The following PER2 variants were observed in gnomAD, a reference collection of about 807,000 sequenced individuals.
The protein encoded by PER2 is period circadian regulator 2.
A neutral mutation model predicts 121.0 loss-of-function variants in PER2; 66 were observed. The ratio of observed to expected loss-of-function variants is 0.55; its 90% CI spans 0.45 to 0.67. The LOEUF (loss-of-function observed/expected upper bound fraction) is 0.67. PER2 is among the 30% of genes least tolerant of loss of function. The pLI is 0.00. For synonymous variants in PER2, 684 were observed against 659.9 expected (o/e 1.04, Z -0.56); for missense variants, 1,521 against 1,635.0 (o/e 0.93, Z 1.20).
At chr2:238,286,566 T>C (rs1032409578) in intron 1 of PER2, among the ~76,000 whole-genome samples, 1 of 152,210 alleles carries the variant, frequency 6.6e-6, no homozygotes, top group Non-Finnish European at 1.5e-5. Flanking sequence ...AATTCTCCCT[T>C]GGTTCCCAAG....
At chr2:238,295,997 A>G in the PER2 span, among the ~76,000 whole-genome samples, 2 of 151,880 alleles carry the variant, frequency 1.3e-5, no homozygotes, top group Non-Finnish European at 2.9e-5. Context: ...GGATCCACAC[A>G]GCCCTCCTGC....
At chr2:238,256,583 C>T (rs1273656488) in intron 17 of PER2, among the ~76,000 whole-genome samples, 1 of 152,226 alleles carries the variant, frequency 6.6e-6, no homozygotes, top group Non-Finnish European at 1.5e-5. Context: ...AACCCCAGGC[C>T]TGCCCAGGGA....
At chr2:238,295,981 G>T in the PER2 span, 1 of 265,852 alleles carries the variant, frequency 3.8e-6, no homozygotes. Flanking sequence ...CAAATGGTAG[G>T]TCAGGGGATC....
upstream of PER2, among the ~76,000 whole-genome samples, chr2:238,293,981 C>G (rs545240812): frequency 1.2e-4 from 19 of 152,304 alleles, no homozygotes; most frequent in African/African-American, 4.3e-4. Context: ...GTACCCCTCA[C>G]TGTCCTGAAG....
intron 8 of PER2, among the ~76,000 whole-genome samples, chr2:238,266,092 G>A (rs184556425): frequency 0.02 from 3,077 of 151,732 alleles, 82 homozygotes; most frequent in African/African-American, 0.054. Context: ...TTTAGTTGAG[G>A]TGGGGTTTCA....
chr2:238,293,483 C>A (rs1379169203), upstream of PER2, among the ~76,000 whole-genome samples: 3 of 152,044 alleles, frequency 2.0e-5, no homozygotes, highest in African/African-American at 7.2e-5. Context: ...TTAAGAAAAA[C>A]CAAGGACTTG....
Position 238,283,182 on chromosome 2 carries a change from T to A in PER2, c.-20+5167A>T, listed in dbSNP as rs568780939. Among the ~76,000 whole-genome samples, 8 of 152,344 alleles carry A rather than the reference T, an allele frequency of 5.3e-5. No homozygotes were observed. In the South Asian group the frequency reaches 1.7e-3, roughly 32 times the overall value. On this transcript the variant is annotated intron_variant, in intron 1 of 22. Transcript: ENST00000254657. The stretch of plus-strand genomic sequence containing the variant: ...TGGCAGAAAATGCCCCCTCCCTCTC[T>A]CCCTCAAATGGACCTTTCTGAAGTT...
At chr2:238,247,635 GGTC>G (rs1695483882) in intron 22 of PER2, 3 of 152,308 alleles carry the variant, frequency 2.0e-5, no homozygotes, top group Admixed American at 2.0e-4. Context: ...GTGAGCCACG[GGTC>G]TATTTCAGGA....
At chr2:238,246,562 G>C (rs1695457220) in intron 22 of PER2, 38 bp from the exon 23 acceptor site, 1 of 1,437,178 alleles carries the variant, frequency 7.0e-7, no homozygotes, top group Non-Finnish European at 9.7e-7. Context: ...TAACAAACTT[G>C]AGATCTGAGT....
chr2:238,268,260 T>G lies in PER2; in HGVS notation c.825-62A>C. 1.3e-6 allele frequency: 2 copies of G among 1,548,336 alleles called. No individual in the cohort carries two copies. Among genetic ancestry groups the G allele is most frequent in the Non-Finnish European group, 1.8e-6 (2 of 1,128,050 alleles). ...GACACAGGAACAGTCCCCTGTTCTG[T>G]TCCCTCCTCACCTGGGCCCCATGCC... On this transcript the variant is annotated intron_variant, in intron 7 of 22. Coordinates refer to ENST00000254657, the MANE Select transcript of PER2 (RefSeq NM_022817.3). This position sits in a 1 kb window ranked among gnomAD's most constrained non-coding sequence, Gnocchi z 4.0.
chr2:238,291,200 G>A (rs1696945234), upstream of PER2, among the ~76,000 whole-genome samples: 1 of 152,222 alleles, frequency 6.6e-6, no homozygotes. Flanking sequence ...CCTTGGGAAT[G>A]CTGCCAGTGG....
At chr2:238,290,609 T>A (rs1049283982), upstream of PER2, among the ~76,000 whole-genome samples, 2 of 152,198 alleles carry the variant, frequency 1.3e-5, no homozygotes, top group African/African-American at 4.8e-5. Flanking sequence ...TATCAAGTGC[T>A]TTGGGCTCTA....
At chr2:238,256,763 G>A (rs900402294) in intron 17 of PER2, among the ~76,000 whole-genome samples, 159 bp downstream of exon 17, 1 of 152,250 alleles carries the variant, frequency 6.6e-6, no homozygotes, top group African/African-American at 2.4e-5. Context: ...CTGGCTGGCC[G>A]CACTCCACCC....
rs142728794 is a variant in PER2 at position 238,253,421 on chromosome 2, G to T, written c.2602C>A (p.Pro868Thr). 16 of 1,610,602 alleles carry T rather than the reference G, an allele frequency of 9.9e-6. No homozygotes were observed. The highest frequency in any genetic ancestry group is 2.2e-5 in the South Asian group (2 of 90,944). The change falls in exon 19 of 23, where the codon CCC becomes ACC. Residue 868 changes from proline to threonine, a missense_variant. By Grantham distance (38) the Pro-to-Thr change is conservative. Coordinates refer to ENST00000254657, the MANE Select transcript of PER2 (RefSeq NM_022817.3). This position sits in a 1 kb window ranked among gnomAD's most constrained non-coding sequence, Gnocchi z 5.6. ...VFPAPGTVAAPPAPPHASFTV... is the reference protein window; with the variant it reads ...VFPAPGTVAATPAPPHASFTV... The stretch of plus-strand genomic sequence containing the variant: ...AAGCTGGCGTGGGGAGGTGCCGGGG[G>T]TGCTGCCACAGTCCCTGGCGCTGGA...
In PER2 at chr2:238,257,052, C is replaced by T. The variant is rs555935582; in HGVS notation, c.1935G>A (p.Thr645=). 28 of 1,613,252 alleles carry T rather than the reference C, an allele frequency of 1.7e-5. No individual in the cohort carries two copies. In the East Asian group the frequency reaches 5.1e-4, roughly 30 times the overall value. Residue 645 remains threonine (T), a synonymous_variant, in exon 17 of 23, where the codon ACG becomes ACA. Transcript: ENST00000254657. The part of the protein sequence containing the change: ...AEPPSRVNSR[T]GVGTHLTSLA... ...GCGAGGTCAGGTGCGTACCTACTCCCGTGCGGCTGTTCACCCTGGAGGGCG... is the reference window on the plus strand; with the variant it reads ...GCGAGGTCAGGTGCGTACCTACTCCTGTGCGGCTGTTCACCCTGGAGGGCG...
intron 5 of PER2, among the ~76,000 whole-genome samples, chr2:238,272,853 G>T (rs1696331914): frequency 6.6e-6 from 1 of 152,232 alleles, no homozygotes; most frequent in African/African-American, 2.4e-5. Context: ...AAGTTGGTCA[G>T]GGACGAGGAA....
At chr2:238,258,179 C>T (rs759221954) in intron 16 of PER2, 97 bp downstream of exon 16, 11 of 1,340,618 alleles carry the variant, frequency 8.2e-6, no homozygotes, top group Non-Finnish European at 1.2e-5. Flanking sequence ...CAGCCTACAC[C>T]CTTACACTGT....
At chr2:238,265,435 CAAGA>C in intron 9 of PER2, 73 bp downstream of exon 9, 1 of 858,740 alleles carries the variant, frequency 1.2e-6, no homozygotes, top group Non-Finnish European at 2.0e-6. Context: ...ATTATAAAAC[CAAGA>C]TGCAGTCTTG....
intron 1 of PER2, among the ~76,000 whole-genome samples, chr2:238,279,606 C>T (rs983796909): frequency 6.6e-6 from 1 of 152,192 alleles, no homozygotes; most frequent in Non-Finnish European, 1.5e-5. Flanking sequence ...CCCAGGGCAG[C>T]TGGAACAAAG....
Sources: gnomAD v4.1 joint callset for allele counts (sites outside exome capture counted in the v4.1 genomes callset) on GRCh38, gnomAD v4.1.1 for gene constraint, Gnocchi (gnomAD v3.1) non-coding constraint, MANE v1.5 for transcripts, NCBI Gene and HGNC (gene_info 2026-07-23, HGNC 2026-07-21) for gene names.